Variants in RNGTT observed in about 807,000 individuals in gnomAD.
The protein encoded by RNGTT is RNA guanylyltransferase and 5'-phosphatase, also known as mRNA-capping enzyme.
Under a neutral mutation model 79.3 loss-of-function variants are expected in RNGTT, and 33 were observed. The ratio of observed to expected loss-of-function variants is 0.42; its 90% CI spans 0.32 to 0.56. The LOEUF is 0.56. Ranked by LOEUF, RNGTT falls within the 20% of genes least tolerant of loss-of-function variation. The pLI, the probability that RNGTT is intolerant of heterozygous loss-of-function variation, is 0.17. For synonymous variants in RNGTT, 222 were observed against 235.9 expected (o/e 0.94, Z 0.54); for missense variants, 497 against 739.1 (o/e 0.67, Z 3.80).
intron 4 of RNGTT, among the ~76,000 whole-genome samples, chr6:88,913,664 C>T (rs921554059): frequency 4.6e-5 from 7 of 152,168 alleles, no homozygotes; most frequent in Non-Finnish European, 5.9e-5. Flanking sequence ...AACATTCCTG[C>T]ATGATAATAA....
chr6:88,963,566 C>A lies in RNGTT; in HGVS notation c.-157G>T. 1.6e-6 allele frequency: 1 copy of A among 630,166 alleles called. No individual in the cohort carries two copies. The highest frequency in any genetic ancestry group is 2.5e-6 in the Non-Finnish European group (1 of 392,638). 39.0% of individuals were successfully genotyped at this position (630,166 alleles called of 1,614,324 possible). A position where few individuals can be genotyped will look rare whatever the true frequency, so the allele number is the denominator to read the frequency against. ...CCGATCCGGGTAACGTCAGGGGCGG[C>A]GCGCCACTTTCATTCAGGATCAACT... is the stretch of plus-strand genomic sequence containing the variant. On this transcript the variant is annotated 5_prime_UTR_variant, in exon 1 of 16. Transcript: ENST00000369485.
chr6:88,816,429 G>T (rs1412433399), intron 11 of RNGTT, among the ~76,000 whole-genome samples: 2 of 151,936 alleles, frequency 1.3e-5, no homozygotes, highest in South Asian at 4.1e-4. Flanking sequence ...CTAAGAACAC[G>T]CAAAAAGAAG....
Position 88,759,196 on chromosome 6 carries a change from A to G in RNGTT, c.1439+10578T>C, listed in dbSNP as rs558812506. ...TTACTGTCCTTCTGGTGTCCACACT[A>G]TATCCCAGATCTGGCCAGTGGGAGC... On this transcript the variant is annotated intron_variant, in intron 13 of 15. Transcript: ENST00000369485. 4.6e-5 allele frequency among the ~76,000 whole-genome samples: 7 copies of G among 152,340 alleles called. No individual in the cohort carries two copies. In the South Asian group the frequency reaches 1.4e-3, roughly 32 times the overall value.
intron 2 of RNGTT, among the ~76,000 whole-genome samples, chr6:88,935,013 C>T (rs533278090): frequency 4.6e-5 from 7 of 152,308 alleles, no homozygotes; most frequent in Admixed American, 3.9e-4. Context: ...CAATGTCCCA[C>T]GGTGTTTTCC....
At chr6:88,706,253 A>G (rs1040708317) in intron 13 of RNGTT, among the ~76,000 whole-genome samples, 1 of 152,088 alleles carries the variant, frequency 6.6e-6, no homozygotes, top group Non-Finnish European at 1.5e-5. Flanking sequence ...TAGAAAAGAA[A>G]TAACTCTGTA....
intron 11 of RNGTT, among the ~76,000 whole-genome samples, chr6:88,807,407 G>T (rs1779993755): frequency 6.6e-6 from 1 of 152,018 alleles, no homozygotes; most frequent in African/African-American, 2.4e-5. Flanking sequence ...CAGAGAAAAA[G>T]AATGTTAATC....
chr6:88,665,907 G>T (rs879718453), intron 14 of RNGTT, among the ~76,000 whole-genome samples: 1 of 152,256 alleles, frequency 6.6e-6, no homozygotes, highest in Non-Finnish European at 1.5e-5. Flanking sequence ...TGTCCAAGAA[G>T]AAAGCTCAGA....
intron 14 of RNGTT, among the ~76,000 whole-genome samples, chr6:88,649,207 T>C (rs1345507510): frequency 6.6e-6 from 1 of 152,164 alleles, no homozygotes; most frequent in African/African-American, 2.4e-5. Context: ...TTTTGAGACA[T>C]GTAACAGACA....
Position 88,929,070 on chromosome 6 carries a change from A to G in RNGTT, c.282T>C (p.His94=), listed in dbSNP as rs377332072. The G allele has an allele frequency of 1.3e-5, 21 of 1,609,696 alleles. No individual in the cohort carries two copies. The African/African-American group carries it at 2.4e-4, about 18-fold the overall frequency. ...TATTCTCAGTGGTAGGGCACTCACC[A>G]TGTCTAGTAATATAGAAAAAGTTTT... The part of the protein sequence containing the change: ...IKYIKLQCKG[H]GECPTTENTE... The change falls in exon 4 of 16, where the codon CAT becomes CAC. Residue 94 remains histidine, a synonymous_variant. Transcript: ENST00000369485.
intron 13 of RNGTT, among the ~76,000 whole-genome samples, chr6:88,738,488 T>C (rs1388347060): frequency 6.6e-6 from 1 of 151,944 alleles, no homozygotes; most frequent in African/African-American, 2.4e-5. Flanking sequence ...TACCAAATAA[T>C]ACAAAAATTA....
At chr6:88,764,237 CA>C (rs1245141002) in intron 13 of RNGTT, among the ~76,000 whole-genome samples, 1 of 152,214 alleles carries the variant, frequency 6.6e-6, no homozygotes, top group Admixed American at 6.5e-5. Context: ...TCGTAACAGA[CA>C]ATTCTTCAAC....
At chr6:88,888,160 AG>A (rs1311461773) in intron 8 of RNGTT, among the ~76,000 whole-genome samples, 2 of 152,084 alleles carry the variant, frequency 1.3e-5, no homozygotes, top group African/African-American at 4.8e-5. Flanking sequence ...GAAAAAAAAA[AG>A]AGTACCTAAA....
chr6:88,843,500 AC>A (rs1361975003), intron 11 of RNGTT, among the ~76,000 whole-genome samples: 1 of 151,808 alleles, frequency 6.6e-6, no homozygotes, highest in African/African-American at 2.4e-5. Context: ...AAGTGAAAAA[AC>A]AAAGCAAAAC....
Position 88,817,395 on chromosome 6 carries a change from G to A in RNGTT, c.1270-15763C>T, listed in dbSNP as rs114653572. On this transcript the variant is annotated intron_variant, in intron 11 of 15. Transcript: ENST00000369485. ...AGTGGCTTACACCTGTAATCCAAAC[G>A]CTTTGGGAGGCCATGGTGTGAGGAC... Among the ~76,000 whole-genome samples, 333 of 149,834 alleles carry A rather than the reference G, an allele frequency of 2.2e-3. 1 individual carries two copies. The highest frequency in any genetic ancestry group is 7.8e-3 in the African/African-American group (315 of 40,604).
chr6:88,668,941 A>C (rs1774523201), intron 14 of RNGTT, among the ~76,000 whole-genome samples: 1 of 152,218 alleles, frequency 6.6e-6, no homozygotes. Flanking sequence ...TATTGAATGT[A>C]GTTATTGGTC....
At chr6:88,693,615 A>G (rs558802028) in intron 13 of RNGTT, among the ~76,000 whole-genome samples, 2 of 152,300 alleles carry the variant, frequency 1.3e-5, no homozygotes, top group East Asian at 3.9e-4. Flanking sequence ...TAACAAAGCC[A>G]GCATTACCCT....
At chr6:88,871,994 T>C (rs1048177302) in intron 8 of RNGTT, among the ~76,000 whole-genome samples, 27 of 152,138 alleles carry the variant, frequency 1.8e-4, no homozygotes, top group African/African-American at 6.0e-4. Context: ...TTTCTTACAC[T>C]GAAGCCTATT....
intron 4 of RNGTT, among the ~76,000 whole-genome samples, chr6:88,920,301 G>A (rs778381106): frequency 7.2e-5 from 11 of 151,980 alleles, no homozygotes; most frequent in Admixed American, 3.9e-4. Flanking sequence ...ACATCCTGCC[G>A]TTTTCTTTGA....
intron 11 of RNGTT, among the ~76,000 whole-genome samples, chr6:88,805,896 T>C (rs2127866513): frequency 6.6e-6 from 1 of 152,264 alleles, no homozygotes; most frequent in African/African-American, 2.4e-5. Flanking sequence ...ACTCTAGGCA[T>C]TACAATAAAT....
Sources: allele counts gnomAD v4.1 joint callset (sites outside exome capture counted in the v4.1 genomes callset), GRCh38; gene constraint gnomAD v4.1.1; transcripts MANE v1.5; gene names NCBI Gene and HGNC (gene_info 2026-07-23, HGNC 2026-07-21).